TNS3: variants seen among roughly 807,000 people sequenced by gnomAD.
TNS3 encodes tensin 3.
Under a neutral mutation model 140.9 loss-of-function variants are expected in TNS3, and 45 were observed. That is an observed-to-expected ratio of 0.32 (90% CI 0.25 to 0.41). TNS3 has a LOEUF of 0.41. Among genes scored for constraint, TNS3 ranks in the 10% least tolerant of loss-of-function variants. The pLI is 1.00. For missense variants in TNS3, 1,716 were observed against 1,906.7 expected (o/e 0.90, Z 1.86); for synonymous variants, 815 against 788.4 (o/e 1.03, Z -0.56).
intron 1 of TNS3, among the ~76,000 whole-genome samples, chr7:47,547,685 C>G (rs1475310871): frequency 6.6e-6 from 1 of 152,116 alleles, no homozygotes; most frequent in Admixed American, 6.5e-5. Flanking sequence ...AGCATGGCCC[C>G]ACGTCTACGC....
intron 2 of TNS3, among the ~76,000 whole-genome samples, chr7:47,519,259 C>A (rs139857902): frequency 2.9e-5 from 4 of 137,878 alleles, no homozygotes; most frequent in Non-Finnish European, 4.7e-5. Context: ...GATATCCCCC[C>A]CCAACACAAG....
intron 30 of TNS3, 145 bp downstream of exon 30, chr7:47,280,019 C>T: frequency 3.1e-6 from 3 of 967,568 alleles, no homozygotes; most frequent in Non-Finnish European, 4.7e-6. Context: ...AATGAGAACA[C>T]TTTTACTTTT....
At chr7:47,545,919 C>CA (rs1799907857) in intron 1 of TNS3, among the ~76,000 whole-genome samples, 1 of 152,222 alleles carries the variant, frequency 6.6e-6, no homozygotes, top group Non-Finnish European at 1.5e-5. Flanking sequence ...ACTTACACCA[C>CA]AGTCAGGGGA....
Position 47,451,629 on chromosome 7 carries a change from A to T in TNS3, c.-75-9574T>A, listed in dbSNP as rs1294956554. On this transcript the variant is annotated intron_variant, in intron 4 of 30. Transcript: ENST00000311160. ...AACAAAAGCCACGGATAAATCCACA[A>T]GGAAGCAGGACTATGAACAGCCCGG... Among the ~76,000 whole-genome samples, 8 of 152,308 alleles carry T rather than the reference A, an allele frequency of 5.3e-5. No individual in the cohort carries two copies. The East Asian group carries it at 1.3e-3, about 26-fold the overall frequency.
At chr7:47,463,393 G>C (rs1287411899) in intron 4 of TNS3, among the ~76,000 whole-genome samples, 1 of 152,142 alleles carries the variant, frequency 6.6e-6, no homozygotes, top group Non-Finnish European at 1.5e-5. Flanking sequence ...GCAGTGAACC[G>C]AGATCATGCC....
intron 8 of TNS3, among the ~76,000 whole-genome samples, chr7:47,433,828 A>G (rs1693047575): frequency 6.6e-6 from 1 of 152,206 alleles, no homozygotes; most frequent in South Asian, 2.1e-4. Context: ...AAGCCTGAAA[A>G]GCATAGGTTG....
chr7:47,340,653 C>T (rs1201945783), intron 20 of TNS3, among the ~76,000 whole-genome samples: 1 of 145,782 alleles, frequency 6.9e-6, no homozygotes, highest in Non-Finnish European at 1.5e-5. Context: ...GCAATCTCAG[C>T]TCACTGCAAG....
intron 1 of TNS3, among the ~76,000 whole-genome samples, chr7:47,557,592 T>C (rs1398722182): frequency 2.0e-5 from 3 of 152,248 alleles, no homozygotes; most frequent in African/African-American, 7.2e-5. Flanking sequence ...TTTATGGGAA[T>C]ATGACGTGGC....
intron 27 of TNS3, among the ~76,000 whole-genome samples, chr7:47,284,332 A>C (rs1463451197): frequency 1.3e-5 from 2 of 152,162 alleles, no homozygotes; most frequent in Non-Finnish European, 2.9e-5. Flanking sequence ...ATGTGTCCTC[A>C]AATCCTGGTT....
At chr7:47,538,472 C>T (rs960889165) in intron 1 of TNS3, among the ~76,000 whole-genome samples, 1 of 152,122 alleles carries the variant, frequency 6.6e-6, no homozygotes, top group African/African-American at 2.4e-5. Context: ...ATGGCTCCAA[C>T]ACTCTAACTT....
chr7:47,487,229 G>A (rs1797645064), intron 3 of TNS3, among the ~76,000 whole-genome samples: 1 of 151,878 alleles, frequency 6.6e-6, no homozygotes, highest in Admixed American at 6.6e-5. Context: ...AACCTGGGAG[G>A]TTGCAGTGAG....
At chr7:47,374,196 C>T (rs1341128733) in intron 16 of TNS3, among the ~76,000 whole-genome samples, 1 of 152,152 alleles carries the variant, frequency 6.6e-6, no homozygotes, top group Non-Finnish European at 1.5e-5. Context: ...AAGCATGGGC[C>T]AGAGATCCAG....
intron 17 of TNS3, among the ~76,000 whole-genome samples, chr7:47,359,178 G>C (rs1383813214): frequency 1.3e-5 from 2 of 152,158 alleles, no homozygotes; most frequent in South Asian, 2.1e-4. Context: ...AACAAACTGT[G>C]CTCTATCCCA....
intron 16 of TNS3, among the ~76,000 whole-genome samples, chr7:47,388,457 T>C (rs1792201427): frequency 1.3e-5 from 2 of 152,284 alleles, no homozygotes; most frequent in Middle Eastern, 3.4e-3. Context: ...GCATGAATCA[T>C]TGCATGCATG....
At chr7:47,383,842 G>A (rs1029399205) in intron 16 of TNS3, among the ~76,000 whole-genome samples, 14 of 152,170 alleles carry the variant, frequency 9.2e-5, no homozygotes, top group Non-Finnish European at 2.1e-4. Flanking sequence ...CTCTAGTGCA[G>A]GGTTCCAGGC....
At chr7:47,322,213 CAAAAAAAA>C (rs759875153) in intron 20 of TNS3, among the ~76,000 whole-genome samples, 4 of 49,922 alleles carry the variant, frequency 8.0e-5, no homozygotes, top group East Asian at 6.5e-4. Flanking sequence ...GTAGAACGGG[CAAAAAAAA>C]AAAAAAAAAA....
At chr7:47,394,385 G>T (rs1476931484) in intron 16 of TNS3, among the ~76,000 whole-genome samples, 2 of 152,210 alleles carry the variant, frequency 1.3e-5, no homozygotes. Context: ...GAAGGCAGGA[G>T]TTGGCAACCA....
chr7:47,336,508 T>G (rs1224449223), intron 20 of TNS3, among the ~76,000 whole-genome samples: 1 of 152,244 alleles, frequency 6.6e-6, no homozygotes, highest in African/African-American at 2.4e-5. Flanking sequence ...ATGTTTTGGT[T>G]TGCTTTTTGT....
chr7:47,351,096 A>G (rs916785766), intron 17 of TNS3, among the ~76,000 whole-genome samples: 6 of 152,234 alleles, frequency 3.9e-5, no homozygotes, highest in Admixed American at 6.5e-5. Context: ...TTAGGGAAAC[A>G]ACACACAGAT....
Sources: gnomAD v4.1 joint callset for allele counts (sites outside exome capture counted in the v4.1 genomes callset) on GRCh38, gnomAD v4.1.1 for gene constraint, MANE v1.5 for transcripts, NCBI Gene and HGNC (gene_info 2026-07-23, HGNC 2026-07-21) for gene names.